CALN1: variants seen among roughly 807,000 people sequenced by gnomAD.
The protein encoded by CALN1 is calneuron 1.
A neutral mutation model predicts 30.6 loss-of-function variants in CALN1; 17 were observed. The observed-to-expected ratio is 0.56, with a 90% CI of 0.38 to 0.83. The LOEUF is 0.83. Ranked by LOEUF, CALN1 falls within the 40% of genes least tolerant of loss-of-function variation. CALN1 has a pLI of 0.00. For missense variants in CALN1, 291 were observed against 354.9 expected (o/e 0.82, Z 1.45); for synonymous variants, 156 against 131.4 (o/e 1.19, Z -1.28).
intron 2 of CALN1, among the ~76,000 whole-genome samples, chr7:72,280,794 T>C (rs1797681008): frequency 6.6e-6 from 1 of 152,246 alleles, no homozygotes; most frequent in African/African-American, 2.4e-5. Flanking sequence ...GAGGACAGAA[T>C]TAATGCTGTT....
chr7:72,234,318 A>G (rs1236969412), intron 3 of CALN1, among the ~76,000 whole-genome samples: 2 of 152,216 alleles, frequency 1.3e-5, no homozygotes, highest in East Asian at 1.9e-4. Context: ...AGATTCCTCC[A>G]GCCAGCAAAG....
chr7:72,308,096 G>A (rs894978160), intron 2 of CALN1, among the ~76,000 whole-genome samples: 1 of 152,130 alleles, frequency 6.6e-6, no homozygotes, highest in South Asian at 2.1e-4. Context: ...GGGTGCAGTG[G>A]CTCACACCTG....
chr7:72,131,885 G>C (rs904257227), intron 3 of CALN1, among the ~76,000 whole-genome samples: 3 of 152,032 alleles, frequency 2.0e-5, no homozygotes, highest in Non-Finnish European at 4.4e-5. Context: ...GTGCCTCTAA[G>C]GAGTCTTTCC....
At chr7:71,927,604 TTCTC>T (rs1795334665) in intron 5 of CALN1, among the ~76,000 whole-genome samples, 1 of 152,204 alleles carries the variant, frequency 6.6e-6, no homozygotes, top group Non-Finnish European at 1.5e-5. Context: ...GCTTTTGTCT[TTCTC>T]TGTGTGTCTG....
At chr7:72,429,803 G>A (rs1007428935) in intron 1 of CALN1, among the ~76,000 whole-genome samples, 3 of 150,352 alleles carry the variant, frequency 2.0e-5, no homozygotes, top group Non-Finnish European at 4.4e-5. Context: ...ATATGTGTGT[G>A]TATATATGTA....
At chr7:72,240,645 C>T (rs374570345) in intron 3 of CALN1, among the ~76,000 whole-genome samples, 2 of 152,250 alleles carry the variant, frequency 1.3e-5, no homozygotes, top group East Asian at 3.9e-4. Flanking sequence ...CTAAAACTAC[C>T]CTCATCTTCA....
At chr7:72,179,184 A>G (rs546729606) in intron 3 of CALN1, among the ~76,000 whole-genome samples, 1 of 152,256 alleles carries the variant, frequency 6.6e-6, no homozygotes, top group Non-Finnish European at 1.5e-5. Context: ...GCATTCAGTA[A>G]CAAAACGAAG....
Position 71,807,999 on chromosome 7 carries a change from G to A in CALN1, c.658+2337C>T, listed in dbSNP as rs894142980. 1.1e-4 allele frequency among the ~76,000 whole-genome samples: 16 copies of A among 152,162 alleles called. No individual in the cohort carries two copies. In the East Asian group the frequency reaches 1.9e-3, roughly 18 times the overall value. On this transcript the variant is annotated intron_variant, in intron 6 of 6. Transcript: ENST00000395275. ...TGAGGCAGGAAGATTGCTTGAACCC[G>A]GGAAGCAGAGGTTGCAGTGAGCAGA... is the stretch of plus-strand genomic sequence containing the variant.
intron 5 of CALN1, among the ~76,000 whole-genome samples, chr7:71,859,966 G>A (rs545903052): frequency 5.3e-5 from 8 of 152,218 alleles, no homozygotes; most frequent in African/African-American, 1.4e-4. Flanking sequence ...CTAATATCCC[G>A]ATATCTTGAG....
rs1792913061 is a variant in CALN1, at chr7:71,785,039, GA to G, written c.*2735del. The G allele has an allele frequency of 2.5e-6, 1 of 395,406 alleles. No individual in the cohort carries two copies. The highest frequency in any genetic ancestry group is 1.4e-4 in the South Asian group (1 of 7,012). 24.5% of individuals were successfully genotyped at this position (395,406 alleles called of 1,614,324 possible). A position where few individuals can be genotyped will look rare whatever the true frequency, so the allele number is the denominator to read the frequency against. Reference sequence around the variant, plus strand: ...TCACCGGGACAAACTCTGAGCTCCTGAAGTCTAAGGAATGCCGCTAGCTCAG... The same window carrying G: ...TCACCGGGACAAACTCTGAGCTCCTGAGTCTAAGGAATGCCGCTAGCTCAG... On this transcript the variant is annotated 3_prime_UTR_variant, in exon 7 of 7. Coordinates refer to ENST00000395275, the MANE Select transcript of CALN1 (RefSeq NM_031468.4).
chr7:72,062,232 G>A (rs1003371747), intron 4 of CALN1, among the ~76,000 whole-genome samples: 1 of 152,076 alleles, frequency 6.6e-6, no homozygotes, highest in South Asian at 2.1e-4. Flanking sequence ...AATGATACCA[G>A]GGCTGGGCAC....
intron 2 of CALN1, chr7:72,336,893 C>A (rs1185708670): frequency 5.1e-6 from 5 of 984,756 alleles, no homozygotes; most frequent in Non-Finnish European, 6.0e-6. Context: ...GCCGCCGGCT[C>A]CCTCGGCGCC....
chr7:72,055,726 T>A (rs535179645), intron 4 of CALN1, among the ~76,000 whole-genome samples: 8 of 152,162 alleles, frequency 5.3e-5, no homozygotes, highest in Non-Finnish European at 8.8e-5. Context: ...TTTATGACAT[T>A]TAGCACCAAG....
chr7:72,271,575 A>AAAAAAAAAAAATATATAT, intron 3 of CALN1, among the ~76,000 whole-genome samples: 1 of 52,126 alleles, frequency 1.9e-5, no homozygotes, highest in East Asian at 9.9e-4. Context: ...AAAAAAAAAA[A>AAAAAAAAAAAATATATAT]ATATATATAT....
intron 2 of CALN1, among the ~76,000 whole-genome samples, chr7:72,296,231 T>A (rs1798843415): frequency 6.6e-6 from 1 of 150,868 alleles, no homozygotes; most frequent in African/African-American, 2.4e-5. Context: ...TCATGGTGGA[T>A]AAGCTTTTTG....
At chr7:71,994,615 T>C (rs1293747361) in intron 5 of CALN1, among the ~76,000 whole-genome samples, 1 of 151,112 alleles carries the variant, frequency 6.6e-6, no homozygotes, top group Non-Finnish European at 1.5e-5. Flanking sequence ...AAATTAAGGA[T>C]ACCAACACAC....
intron 5 of CALN1, among the ~76,000 whole-genome samples, chr7:71,966,312 A>G (rs1797527298): frequency 6.6e-6 from 1 of 152,130 alleles, no homozygotes; most frequent in Non-Finnish European, 1.5e-5. Flanking sequence ...ATCCTGCCCT[A>G]GGTCAATGTT....
intron 2 of CALN1, among the ~76,000 whole-genome samples, chr7:72,383,890 G>A (rs1805055024): frequency 6.6e-6 from 1 of 152,168 alleles, no homozygotes; most frequent in Admixed American, 6.5e-5. Context: ...GGATATCTGT[G>A]CAGAACATGC....
intron 3 of CALN1, among the ~76,000 whole-genome samples, chr7:72,140,286 G>GAA (rs1311844670): frequency 2.9e-5 from 4 of 136,798 alleles, no homozygotes; most frequent in Non-Finnish European, 6.1e-5. Context: ...AAGAGAGAGA[G>GAA]AGAGAGAGAG....
Sources: gnomAD v4.1 joint callset for allele counts (sites outside exome capture counted in the v4.1 genomes callset) on GRCh38, gnomAD v4.1.1 for gene constraint, MANE v1.5 for transcripts, NCBI Gene and HGNC (gene_info 2026-07-23, HGNC 2026-07-21) for gene names.